The following FHIT variants were observed in gnomAD, a reference collection of about 807,000 sequenced individuals.
The protein encoded by FHIT is bis(5'-adenosyl)-triphosphatase.
Under a neutral mutation model 17.9 loss-of-function variants are expected in FHIT, and 19 were observed. That is an observed-to-expected ratio of 1.06 (90% CI 0.74 to 1.56). FHIT has a LOEUF of 1.56. Ranked by LOEUF, FHIT falls within the 40% of genes most tolerant of loss-of-function variation. The pLI is 0.00. For synonymous variants in FHIT, 81 were observed against 69.7 expected (o/e 1.16, Z -0.81); for missense variants, 248 against 189.2 (o/e 1.31, Z -1.82).
At chr3:60,917,645 T>C (rs1314749172) in intron 3 of FHIT, among the ~76,000 whole-genome samples, 4 of 152,168 alleles carry the variant, frequency 2.6e-5, no homozygotes, top group African/African-American at 9.7e-5. Context: ...TATTCAGATG[T>C]TTTTCCTCCT....
intron 4 of FHIT, among the ~76,000 whole-genome samples, chr3:60,668,746 T>A (rs2040441117): frequency 6.6e-6 from 1 of 152,044 alleles, no homozygotes; most frequent in Non-Finnish European, 1.5e-5. Flanking sequence ...TTTGTATTTT[T>A]AGTAGAGACG....
chr3:60,095,501 G>A (rs1703908434), intron 5 of FHIT, among the ~76,000 whole-genome samples: 1 of 152,124 alleles, frequency 6.6e-6, no homozygotes, highest in South Asian at 2.1e-4. Flanking sequence ...AAATCCTTAA[G>A]AAATTATTTT....
intron 5 of FHIT, among the ~76,000 whole-genome samples, chr3:60,106,947 G>A (rs1188446982): frequency 3.9e-5 from 6 of 151,936 alleles, no homozygotes; most frequent in African/African-American, 1.2e-4. Flanking sequence ...TTAAGGAAAC[G>A]AAACTTTTTT....
chr3:59,812,033 C>G (rs1329741996), intron 8 of FHIT, among the ~76,000 whole-genome samples: 2 of 152,156 alleles, frequency 1.3e-5, no homozygotes, highest in Admixed American at 6.5e-5. Flanking sequence ...TGGTTCTCAA[C>G]TGGGGGAGAT....
chr3:60,429,241 T>G lies in FHIT; in HGVS notation c.103+107619A>C, dbSNP rs140684780. On this transcript the variant is annotated intron_variant, in intron 5 of 9. Transcript: ENST00000492590. Reference sequence around the variant, plus strand: ...TTAAAACTCTTATAAATACCTTCTTTAAGTGATTTTAAAAGATTTCACTGA... The same window carrying G: ...TTAAAACTCTTATAAATACCTTCTTGAAGTGATTTTAAAAGATTTCACTGA... Among the ~76,000 whole-genome samples, 813 of 152,120 alleles carry G rather than the reference T, an allele frequency of 5.3e-3. 10 individuals carry two copies. The highest frequency in any genetic ancestry group is 0.019 in the African/African-American group (783 of 41,498).
At chr3:60,616,184 G>A (rs1403077854) in intron 4 of FHIT, among the ~76,000 whole-genome samples, 3 of 152,088 alleles carry the variant, frequency 2.0e-5, no homozygotes, top group African/African-American at 7.2e-5. Context: ...TCACCTGTTT[G>A]GATATCCACA....
At chr3:59,888,185 C>T (rs1703706978) in intron 8 of FHIT, among the ~76,000 whole-genome samples, 1 of 152,146 alleles carries the variant, frequency 6.6e-6, no homozygotes, top group Non-Finnish European at 1.5e-5. Context: ...CAAATTCATA[C>T]CCAATAATTC....
intron 3 of FHIT, among the ~76,000 whole-genome samples, chr3:60,928,685 A>G (rs1553770744): frequency 6.6e-6 from 1 of 152,196 alleles, no homozygotes; most frequent in Non-Finnish European, 1.5e-5. Context: ...GAATCTCTGA[A>G]TAGACCAATA....
At chr3:61,102,561 G>A (rs553915116) in intron 2 of FHIT, among the ~76,000 whole-genome samples, 1 of 152,248 alleles carries the variant, frequency 6.6e-6, no homozygotes, top group East Asian at 1.9e-4. Flanking sequence ...GGATGATGTT[G>A]GCCTCATAAA....
intron 7 of FHIT, among the ~76,000 whole-genome samples, chr3:59,960,110 T>G (rs1312995311): frequency 1.3e-5 from 2 of 151,700 alleles, no homozygotes; most frequent in South Asian, 4.2e-4. Flanking sequence ...ACTGAAAAAT[T>G]TGAGAGAGAG....
chr3:60,623,031 T>C (rs987963760), intron 4 of FHIT, among the ~76,000 whole-genome samples: 17 of 152,182 alleles, frequency 1.1e-4, no homozygotes, highest in Non-Finnish European at 4.4e-5. Context: ...ATCAGCCTTT[T>C]CTCCCACGAA....
At chr3:60,455,177 G>A (rs1209558666) in intron 5 of FHIT, among the ~76,000 whole-genome samples, 4 of 152,108 alleles carry the variant, frequency 2.6e-5, no homozygotes, top group Admixed American at 2.0e-4. Context: ...AAATTATCCA[G>A]CCACTACAGT....
At chr3:60,082,027 A>T (rs1231583239) in intron 5 of FHIT, among the ~76,000 whole-genome samples, 2 of 151,948 alleles carry the variant, frequency 1.3e-5, no homozygotes, top group African/African-American at 4.8e-5. Context: ...TTCCATAGGT[A>T]TATTGCATGA....
chr3:60,640,045 G>A (rs1490226783), intron 4 of FHIT, among the ~76,000 whole-genome samples: 1 of 152,162 alleles, frequency 6.6e-6, no homozygotes, highest in African/African-American at 2.4e-5. Flanking sequence ...TTCATATTAT[G>A]GGTTAATTCA....
At chr3:60,954,127 A>G (rs1293165851) in intron 3 of FHIT, among the ~76,000 whole-genome samples, 1 of 152,198 alleles carries the variant, frequency 6.6e-6, no homozygotes, top group Non-Finnish European at 1.5e-5. Context: ...ATAATGACTC[A>G]AGCCACATTT....
chr3:60,389,051 G>A (rs1434191495), intron 5 of FHIT, among the ~76,000 whole-genome samples: 2 of 152,190 alleles, frequency 1.3e-5, no homozygotes, highest in Non-Finnish European at 2.9e-5. Flanking sequence ...AGTTGCTAAT[G>A]TACTGGAATG....
At chr3:60,722,144 A>G (rs1553708216) in intron 4 of FHIT, among the ~76,000 whole-genome samples, 2 of 152,226 alleles carry the variant, frequency 1.3e-5, no homozygotes, top group Non-Finnish European at 2.9e-5. Context: ...ATGAAGGCTG[A>G]TATTTCTATC....
At chr3:60,336,320 G>A (rs1460631809) in intron 5 of FHIT, among the ~76,000 whole-genome samples, 1 of 152,202 alleles carries the variant, frequency 6.6e-6, no homozygotes, top group Non-Finnish European at 1.5e-5. Flanking sequence ...CCAAAAGGAA[G>A]TCTCAGACAG....
At chr3:59,919,818 A>G (rs1705316886) in intron 8 of FHIT, among the ~76,000 whole-genome samples, 1 of 152,236 alleles carries the variant, frequency 6.6e-6, no homozygotes, top group South Asian at 2.1e-4. Context: ...AAAGAATGCC[A>G]TCCCTCATCA....
Sources: allele counts gnomAD v4.1 joint callset (sites outside exome capture counted in the v4.1 genomes callset), GRCh38; gene constraint gnomAD v4.1.1; transcripts MANE v1.5; gene names NCBI Gene and HGNC (gene_info 2026-07-23, HGNC 2026-07-21).